Variants in SKAP2 observed in about 807,000 individuals in gnomAD.
The protein encoded by SKAP2 is src kinase-associated phosphoprotein 2.
In SKAP2, 28 loss-of-function variants were observed where a neutral mutation model predicts 54.9. That is an observed-to-expected ratio of 0.51 (90% CI 0.38 to 0.70). The LOEUF is 0.70. Among genes scored for constraint, SKAP2 ranks in the 30% least tolerant of loss-of-function variants. The pLI is 0.00. For synonymous variants in SKAP2, 137 were observed against 134.3 expected (o/e 1.02, Z -0.14); for missense variants, 356 against 424.1 (o/e 0.84, Z 1.41).
intron 4 of SKAP2, among the ~76,000 whole-genome samples, chr7:26,783,400 A>G (rs536738241): frequency 7.9e-5 from 12 of 151,956 alleles, no homozygotes; most frequent in Non-Finnish European, 1.8e-4. Context: ...TCCCCCACCA[A>G]TATTTCTCTG....
At chr7:26,841,511 C>T (rs568331436) in intron 4 of SKAP2, among the ~76,000 whole-genome samples, 20 of 152,156 alleles carry the variant, frequency 1.3e-4, no homozygotes, top group Middle Eastern at 3.4e-3. Flanking sequence ...CAAGTCGAAG[C>T]ATCACTGAAG....
At chr7:26,701,662 T>C (rs1041498107) in intron 9 of SKAP2, among the ~76,000 whole-genome samples, 3 of 151,780 alleles carry the variant, frequency 2.0e-5, no homozygotes, top group Non-Finnish European at 2.9e-5. Flanking sequence ...GAGGTGGAGG[T>C]TGCAGTGAGC....
chr7:26,739,130 A>G (rs182625599), intron 5 of SKAP2, among the ~76,000 whole-genome samples: 12 of 152,322 alleles, frequency 7.9e-5, no homozygotes, highest in African/African-American at 2.6e-4. Flanking sequence ...ACAGTCAAAA[A>G]GGTATCTGAC....
At chr7:26,724,713 T>G (rs1442215852) in intron 9 of SKAP2, among the ~76,000 whole-genome samples, 2 of 152,174 alleles carry the variant, frequency 1.3e-5, no homozygotes, top group Non-Finnish European at 2.9e-5. Flanking sequence ...AGTAATACAA[T>G]TTCCTAAATG....
intron 11 of SKAP2, among the ~76,000 whole-genome samples, chr7:26,679,255 T>A (rs191719021): frequency 6.6e-6 from 1 of 152,308 alleles, no homozygotes; most frequent in Non-Finnish European, 1.5e-5. Flanking sequence ...TCTGCCAACA[T>A]TTTTCTGGAA....
rs73683571 is a variant in SKAP2 at position 26,853,819 on chromosome 7, T to C, written c.199+318A>G. ...AGTATCTCACCTCTGCTTCACCAAGTTATTCCACGTGTAATTGCACGTTTT... is the reference window on the plus strand; with the variant it reads ...AGTATCTCACCTCTGCTTCACCAAGCTATTCCACGTGTAATTGCACGTTTT... On this transcript the variant is annotated intron_variant, in intron 3 of 12. Transcript: ENST00000345317. Among the ~76,000 whole-genome samples, 872 of 152,262 alleles carry C rather than the reference T, an allele frequency of 5.7e-3. 10 individuals carry two copies. The highest frequency in any genetic ancestry group is 0.019 in the African/African-American group (802 of 41,554).
intron 4 of SKAP2, among the ~76,000 whole-genome samples, chr7:26,786,929 G>A (rs913513165): frequency 2.6e-5 from 4 of 151,778 alleles, no homozygotes; most frequent in African/African-American, 4.8e-5. Flanking sequence ...TCAACATTTT[G>A]CATCTCTGTT....
At chr7:26,678,382 T>A (rs955982320) in intron 11 of SKAP2, among the ~76,000 whole-genome samples, 1 of 151,724 alleles carries the variant, frequency 6.6e-6, no homozygotes, top group Non-Finnish European at 1.5e-5. Context: ...TCTTATCTTC[T>A]CCCAAAGAGA....
At chr7:26,851,942 C>T (rs188642856) in intron 3 of SKAP2, among the ~76,000 whole-genome samples, 5 of 152,040 alleles carry the variant, frequency 3.3e-5, no homozygotes, top group East Asian at 1.9e-4. Flanking sequence ...TTTTTACCCC[C>T]CCAATAGTGA....
intron 1 of SKAP2, among the ~76,000 whole-genome samples, chr7:26,862,632 T>C (rs1241959267): frequency 5.3e-5 from 8 of 152,086 alleles, no homozygotes; most frequent in Non-Finnish European, 5.9e-5. Flanking sequence ...AATTTAAATA[T>C]GTAATTTTGA....
Position 26,854,106 on chromosome 7 carries a change from A to G in SKAP2, c.199+31T>C, listed in dbSNP as rs752031113. ...TTGAAAATTTCCACAGAGGAAAAAA[A>G]TTTTCAAGTTTGCCAAACATGAAAA... On this transcript the variant is annotated intron_variant, in intron 3 of 12. Coordinates refer to ENST00000345317, the MANE Select transcript of SKAP2 (RefSeq NM_003930.5). 2.0e-6 allele frequency: 3 copies of G among 1,525,074 alleles called. No individual in the cohort carries two copies. In the East Asian group the frequency reaches 6.9e-5, roughly 35 times the overall value. The allele number at this position is 1,525,074 out of a possible 1,614,324, so 94.5% of individuals were successfully genotyped here. A position where few individuals can be genotyped will look rare whatever the true frequency, so the allele number is the denominator to read the frequency against.
At chr7:26,665,604 G>A (rs1330269186), downstream of SKAP2, among the ~76,000 whole-genome samples, 1 of 152,100 alleles carries the variant, frequency 6.6e-6, no homozygotes, top group African/African-American at 2.4e-5. Context: ...AGTAATGGTA[G>A]AACAGATTCT....
chr7:26,858,389 C>T (rs1562638552), intron 1 of SKAP2, among the ~76,000 whole-genome samples: 2 of 152,274 alleles, frequency 1.3e-5, no homozygotes, highest in South Asian at 4.1e-4. Context: ...CCTTATCTCA[C>T]GGTACAGCTG....
chr7:26,698,395 A>G (rs1476632519), intron 9 of SKAP2, among the ~76,000 whole-genome samples: 1 of 152,160 alleles, frequency 6.6e-6, no homozygotes, highest in East Asian at 1.9e-4. Context: ...TGTCTTTTTC[A>G]CTATGTTAAC....
At chr7:26,729,835 A>C (rs1787785440) in intron 6 of SKAP2, among the ~76,000 whole-genome samples, 1 of 152,188 alleles carries the variant, frequency 6.6e-6, no homozygotes, top group Non-Finnish European at 1.5e-5. Flanking sequence ...ATAATATAGC[A>C]AAAGAAAACT....
At chr7:26,845,721 C>A (rs1240333672) in intron 3 of SKAP2, among the ~76,000 whole-genome samples, 2 of 152,064 alleles carry the variant, frequency 1.3e-5, no homozygotes, top group Non-Finnish European at 2.9e-5. Context: ...CGCTTGTGGC[C>A]AGGAATTAGA....
chr7:26,666,847 C>T (rs943862752), downstream of SKAP2, among the ~76,000 whole-genome samples: 2 of 152,088 alleles, frequency 1.3e-5, no homozygotes, highest in African/African-American at 2.4e-5. Flanking sequence ...AATCCTAAAG[C>T]AATGAAAGTC....
At chr7:26,786,168 A>G (rs1289067127) in intron 4 of SKAP2, among the ~76,000 whole-genome samples, 1 of 152,200 alleles carries the variant, frequency 6.6e-6, no homozygotes, top group Admixed American at 6.5e-5. Context: ...GGTAATCAAG[A>G]TGGGGGAAAT....
chr7:26,705,105 T>G (rs1284807479), intron 9 of SKAP2, among the ~76,000 whole-genome samples: 1 of 152,172 alleles, frequency 6.6e-6, no homozygotes, highest in Non-Finnish European at 1.5e-5. Flanking sequence ...GGGCCTAGGG[T>G]CTAGGCAGTG....
Sources: gnomAD v4.1 joint callset for allele counts (sites outside exome capture counted in the v4.1 genomes callset) on GRCh38, gnomAD v4.1.1 for gene constraint, MANE v1.5 for transcripts, NCBI Gene and HGNC (gene_info 2026-07-23, HGNC 2026-07-21) for gene names.